The following USP45 variants were observed in gnomAD, a reference collection of about 807,000 sequenced individuals.
USP45 encodes ubiquitin carboxyl-terminal hydrolase 45.
Under a neutral mutation model 95.8 loss-of-function variants are expected in USP45, and 89 were observed. That is an observed-to-expected ratio of 0.93 (90% CI 0.78 to 1.11). The LOEUF (loss-of-function observed/expected upper bound fraction) is 1.11. Among genes scored for constraint, USP45 ranks in the 50% least tolerant of loss-of-function variants. The probability of loss-of-function intolerance (pLI) is 0.00; values close to 1 mark genes in which losing one functional copy is unlikely to be tolerated. For missense variants in USP45, 898 were observed against 942.5 expected (o/e 0.95, Z 0.62); for synonymous variants, 281 against 316.2 (o/e 0.89, Z 1.18).
rs565719677 is a variant in USP45 at position 99,451,815 on chromosome 6, C to G, written c.1309-5352G>C. 5.8e-4 allele frequency among the ~76,000 whole-genome samples: 88 copies of G among 152,310 alleles called. No homozygotes were observed. The South Asian group carries it at 0.017, about 29-fold the overall frequency. Reference sequence around the variant, plus strand: ...CTATAGTAACCAAAACAGCATAGTACTGGTACCAAAACAGAGATATAGACC... The same window carrying G: ...CTATAGTAACCAAAACAGCATAGTAGTGGTACCAAAACAGAGATATAGACC... On this transcript the variant is annotated intron_variant, in intron 13 of 17. Transcript: ENST00000500704.
At chr6:99,467,611 G>A (rs546583515) in intron 10 of USP45, among the ~76,000 whole-genome samples, 1 of 151,890 alleles carries the variant, frequency 6.6e-6, no homozygotes, top group Admixed American at 6.6e-5. Context: ...TAATAATAAA[G>A]ATATTTCTTC....
rs1583150556 is a variant in USP45 at position 99,464,857 on chromosome 6, CAAAAT to C, written c.1165-115_1165-111del. 16 of 1,271,616 alleles carry C rather than the reference CAAAAT, an allele frequency of 1.3e-5. No individual in the cohort carries two copies. In the East Asian group the frequency reaches 4.1e-4, roughly 33 times the overall value. The allele number at this position is 1,271,616 out of a possible 1,614,324, so 78.8% of individuals were successfully genotyped here. A position where few individuals can be genotyped will look rare whatever the true frequency, so the allele number is the denominator to read the frequency against. On this transcript the variant is annotated intron_variant, in intron 12 of 17. Coordinates refer to ENST00000500704, the MANE Select transcript of USP45 (RefSeq NM_001346022.3). ...GAAATACAAAAAATTAACAAATTAT[CAAAAT>C]AAAAAGTGTTTAAGAGTTTAAATTC... is the stretch of plus-strand genomic sequence containing the variant.
intron 13 of USP45, among the ~76,000 whole-genome samples, chr6:99,458,336 T>C (rs1785560390): frequency 6.6e-6 from 1 of 152,110 alleles, no homozygotes; most frequent in Non-Finnish European, 1.5e-5. Context: ...GCTATTACGA[T>C]TGGCAGCAAT....
intron 1 of USP45, among the ~76,000 whole-genome samples, chr6:99,511,343 T>C (rs900459328): frequency 9.9e-5 from 15 of 151,604 alleles, no homozygotes; most frequent in Non-Finnish European, 1.9e-4. Flanking sequence ...TTAGTAGAGA[T>C]AGGGTTTCAC....
chr6:99,511,449 G>T (rs973049800), intron 1 of USP45, among the ~76,000 whole-genome samples: 1 of 151,230 alleles, frequency 6.6e-6, no homozygotes, highest in African/African-American at 2.4e-5. Context: ...CACCGTGCCC[G>T]GCTATTATTA....
intron 15 of USP45, among the ~76,000 whole-genome samples, chr6:99,442,972 C>T (rs950968698): frequency 6.6e-6 from 1 of 152,056 alleles, no homozygotes; most frequent in Non-Finnish European, 1.5e-5. Flanking sequence ...AATCCCAGCA[C>T]TTTGGGAGGC....
intron 8 of USP45, among the ~76,000 whole-genome samples, chr6:99,476,655 TG>T (rs1383453360): frequency 6.6e-6 from 1 of 152,248 alleles, no homozygotes; most frequent in East Asian, 1.9e-4. Context: ...ACAACTTTGT[TG>T]GGATGTACTG....
intron 8 of USP45, among the ~76,000 whole-genome samples, chr6:99,477,065 A>T (rs1333633699): frequency 1.3e-5 from 2 of 152,248 alleles, no homozygotes; most frequent in African/African-American, 4.8e-5. Flanking sequence ...CCTAAGATGA[A>T]GAAATAATTC....
At chr6:99,493,670 G>C (rs1795682577) in intron 5 of USP45, among the ~76,000 whole-genome samples, 1 of 150,650 alleles carries the variant, frequency 6.6e-6, no homozygotes, top group Non-Finnish European at 1.5e-5. Flanking sequence ...GCTAATTTTT[G>C]GTGTTTTTAG....
At chr6:99,464,475 A>G (rs1787387407) in intron 13 of USP45, 129 bp downstream of exon 13, 1 of 947,062 alleles carries the variant, frequency 1.1e-6, no homozygotes, top group Non-Finnish European at 1.5e-6. Context: ...AGCCAAGTTG[A>G]TAATTATGAA....
intron 8 of USP45, among the ~76,000 whole-genome samples, chr6:99,478,149 C>T (rs1316537910): frequency 1.3e-5 from 2 of 151,762 alleles, no homozygotes; most frequent in Non-Finnish European, 2.9e-5. Context: ...GCCTATAGCT[C>T]CTTCTCAACC....
intron 11 of USP45, among the ~76,000 whole-genome samples, chr6:99,465,562 T>C: frequency 6.6e-6 from 1 of 152,192 alleles, no homozygotes; most frequent in Admixed American, 6.5e-5. Flanking sequence ...TTTTAAAAGA[T>C]ACTCTCTATC....
chr6:99,478,394 T>C (rs1353286794), intron 8 of USP45, among the ~76,000 whole-genome samples: 1 of 151,940 alleles, frequency 6.6e-6, no homozygotes, highest in Non-Finnish European at 1.5e-5. Context: ...TTCAGCCTAT[T>C]CAAAATAAGG....
chr6:99,476,131 A>G lies in USP45; in HGVS notation c.933+12T>C. On this transcript the variant is annotated intron_variant, in intron 9 of 17. Transcript: ENST00000500704. ...TTGAAGAGAATACATGATATACATAAAGAAACCTGACCTTTGTTTCTTCTG... is the reference window on the plus strand; with the variant it reads ...TTGAAGAGAATACATGATATACATAGAGAAACCTGACCTTTGTTTCTTCTG... 1 of 1,611,388 alleles carries G rather than the reference A, an allele frequency of 6.2e-7. No individual in the cohort carries two copies. The highest frequency in any genetic ancestry group is 8.5e-7 in the Non-Finnish European group (1 of 1,178,318).
intron 13 of USP45, among the ~76,000 whole-genome samples, chr6:99,453,851 T>C (rs1418750173): frequency 6.6e-6 from 1 of 152,080 alleles, no homozygotes; most frequent in African/African-American, 2.4e-5. Flanking sequence ...TCCCAGCTAC[T>C]TGGGAGGCTG....
intron 9 of USP45, 44 bp downstream of exon 9, chr6:99,476,099 C>T (rs372675066): frequency 6.4e-7 from 1 of 1,556,380 alleles, no homozygotes; most frequent in East Asian, 2.2e-5. Flanking sequence ...AGTTTTGTAT[C>T]CTCTTCTTGA....
At position 99,437,032 on chromosome 6, in the gene USP45, CAG is replaced by C. The variant is rs538879400; in HGVS notation, c.2314+212_2314+213del. Among the ~76,000 whole-genome samples the C allele has an allele frequency of 1.8e-3, 269 of 152,268 alleles. 2 individuals are homozygous for C. The highest frequency in any genetic ancestry group is 1.7e-3 in the Non-Finnish European group (119 of 68,022). On this transcript the variant is annotated intron_variant, in intron 17 of 17. Transcript: ENST00000500704. ...ATAAGAATCACTTGAACCCAGGAGA[CAG>C]AGGTTGCAGTGAGCCAAGATCGTGC...
intron 5 of USP45, among the ~76,000 whole-genome samples, chr6:99,496,008 GGTT>G (rs1440827056): frequency 6.6e-6 from 1 of 152,092 alleles, no homozygotes; most frequent in African/African-American, 2.4e-5. Flanking sequence ...TGTAAAAATA[GGTT>G]GTTTTTAAAA....
chr6:99,515,965 G>A (rs1359591620), upstream of USP45, among the ~76,000 whole-genome samples: 1 of 151,810 alleles, frequency 6.6e-6, no homozygotes, highest in Non-Finnish European at 1.5e-5. Flanking sequence ...GTTTAGTAGA[G>A]ACGGGGTTTC....
Sources: allele counts gnomAD v4.1 joint callset (sites outside exome capture counted in the v4.1 genomes callset), GRCh38; gene constraint gnomAD v4.1.1; transcripts MANE v1.5; gene names NCBI Gene and HGNC (gene_info 2026-07-23, HGNC 2026-07-21).